The following SHANK2 variants were observed in gnomAD, a reference collection of about 807,000 sequenced individuals.
SHANK2 encodes the protein SH3 and multiple ankyrin repeat domains 2.
Under a neutral mutation model 133.7 loss-of-function variants are expected in SHANK2, and 43 were observed. The ratio of observed to expected loss-of-function variants is 0.32; its 90% CI spans 0.25 to 0.41. The LOEUF (loss-of-function observed/expected upper bound fraction) is 0.41. Ranked by LOEUF, SHANK2 falls within the 10% of genes least tolerant of loss-of-function variation. The probability of loss-of-function intolerance (pLI) is 1.00; values close to 1 mark genes in which losing one functional copy is unlikely to be tolerated. For synonymous variants in SHANK2, 1,017 were observed against 952.8 expected (o/e 1.07, Z -1.24); for missense variants, 1,994 against 2,235.8 (o/e 0.89, Z 2.18).
chr11:70,537,008 G>C (rs1010808377), intron 17 of SHANK2, among the ~76,000 whole-genome samples: 1 of 152,174 alleles, frequency 6.6e-6, no homozygotes, highest in Non-Finnish European at 1.5e-5. Context: ...GCTTTGTGTC[G>C]TACGTCAGCT....
At position 71,061,971 on chromosome 11, in the gene SHANK2, C is replaced by CTTTTTT. The variant is rs1216736346; in HGVS notation, c.1030-5419_1030-5414dup. Among the ~76,000 whole-genome samples, 159 of 109,554 alleles carry CTTTTTT rather than the reference C, an allele frequency of 1.5e-3. 1 individual carries two copies. Among genetic ancestry groups the CTTTTTT allele is most frequent in the Non-Finnish European group, 2.0e-3 (111 of 56,172 alleles). The allele number at this position is 109,554 out of a possible 152,430, so 71.9% of individuals were successfully genotyped here. On this transcript the variant is annotated intron_variant, in intron 9 of 25. Transcript: ENST00000601538. ...TTCCAACTCCAAAAAGTCTTTCTTT[C>CTTTTTT]TTTTTTTTTTTTTTTTTTTTTTCTT...
intron 14 of SHANK2, among the ~76,000 whole-genome samples, chr11:70,717,563 C>T (rs1344728199): frequency 6.6e-6 from 1 of 152,232 alleles, no homozygotes; most frequent in Non-Finnish European, 1.5e-5. Context: ...GCCACCCCGT[C>T]TCACCAAGCG....
chr11:70,620,600 A>C (rs781981208), intron 17 of SHANK2, among the ~76,000 whole-genome samples: 10 of 151,848 alleles, frequency 6.6e-5, no homozygotes, highest in Non-Finnish European at 1.5e-4. Context: ...CCCCAGACAA[A>C]ATGTGGAGTC....
chr11:71,192,365 G>C (rs1953810925), intron 2 of SHANK2, among the ~76,000 whole-genome samples: 1 of 152,190 alleles, frequency 6.6e-6, no homozygotes, highest in Non-Finnish European at 1.5e-5. Context: ...TGGTGACGGG[G>C]CTCCTTGAGG....
At chr11:70,875,449 C>T (rs868918824) in intron 11 of SHANK2, among the ~76,000 whole-genome samples, 40 of 152,074 alleles carry the variant, frequency 2.6e-4, no homozygotes, top group Admixed American at 1.6e-3. Context: ...GGCGTGAACC[C>T]GGGAGTGGAG....
intron 17 of SHANK2, among the ~76,000 whole-genome samples, chr11:70,612,225 G>C (rs1018280641): frequency 1.1e-4 from 16 of 152,184 alleles, no homozygotes; most frequent in Admixed American, 1.3e-4. Context: ...TCCTGCTGCT[G>C]AGTATGGGAA....
chr11:70,596,831 C>T (rs1045770283), intron 17 of SHANK2, among the ~76,000 whole-genome samples: 12 of 152,278 alleles, frequency 7.9e-5, no homozygotes, highest in South Asian at 2.1e-4. Context: ...CGAGGCTTCT[C>T]GGAGGAGGAG....
chr11:70,845,974 C>T (rs533327211), intron 11 of SHANK2, among the ~76,000 whole-genome samples: 1 of 152,144 alleles, frequency 6.6e-6, no homozygotes, highest in South Asian at 2.1e-4. Context: ...CCCCGTCTCC[C>T]GACACTGGAG....
intron 17 of SHANK2, among the ~76,000 whole-genome samples, chr11:70,647,749 A>T (rs746576898): frequency 2.2e-4 from 34 of 152,296 alleles, no homozygotes; most frequent in Non-Finnish European, 3.7e-4. Context: ...ACAAAAGGGG[A>T]CAGGACCCCC....
At chr11:71,202,955 C>A (rs1257575056) in intron 2 of SHANK2, among the ~76,000 whole-genome samples, 1 of 152,182 alleles carries the variant, frequency 6.6e-6, no homozygotes, top group African/African-American at 2.4e-5. Context: ...TGACTTTGAC[C>A]CTTTTTCTCT....
intron 4 of SHANK2, among the ~76,000 whole-genome samples, chr11:71,115,286 A>G (rs557177901): frequency 2.6e-5 from 4 of 152,120 alleles, no homozygotes; most frequent in East Asian, 3.9e-4. Context: ...CCTGGCCAAC[A>G]TGGTGAAACC....
chr11:71,239,090 C>T lies in SHANK2; in HGVS notation c.-113+13335G>A, dbSNP rs58694488. On this transcript the variant is annotated intron_variant, in intron 1 of 25. Transcript: ENST00000601538. ...GTCTTGAGCAAGGACTGGCTGTCAACAGATGACCGGGAGGGGCCGCCAGGC... is the reference window on the plus strand; with the variant it reads ...GTCTTGAGCAAGGACTGGCTGTCAATAGATGACCGGGAGGGGCCGCCAGGC... 9.0e-3 allele frequency among the ~76,000 whole-genome samples: 1,374 copies of T among 152,368 alleles called. 20 individuals are homozygous for T. The highest frequency in any genetic ancestry group is 0.031 in the African/African-American group (1,308 of 41,584).
At chr11:70,610,995 A>G (rs2060650036) in intron 17 of SHANK2, among the ~76,000 whole-genome samples, 1 of 152,230 alleles carries the variant, frequency 6.6e-6, no homozygotes, top group African/African-American at 2.4e-5. Flanking sequence ...AAAACCAGCA[A>G]ATGATGCACC....
At chr11:70,780,241 G>A (rs1422323355) in intron 14 of SHANK2, among the ~76,000 whole-genome samples, 1 of 152,120 alleles carries the variant, frequency 6.6e-6, no homozygotes, top group Non-Finnish European at 1.5e-5. Flanking sequence ...CTGGGGTTTT[G>A]TTGCCTCCAA....
intron 1 of SHANK2, among the ~76,000 whole-genome samples, chr11:71,233,306 G>A (rs192700745): frequency 1.3e-5 from 2 of 152,304 alleles, no homozygotes; most frequent in Admixed American, 6.5e-5. Flanking sequence ...ATAAAGGCCT[G>A]ACCCAGGCTA....
Position 70,472,727 on chromosome 11 carries a change from C to G in SHANK2, c.*142G>C. 2.4e-6 allele frequency: 2 copies of G among 846,282 alleles called. No homozygotes were observed. The highest frequency in any genetic ancestry group is 4.0e-6 in the Non-Finnish European group (2 of 503,296). 52.4% of individuals were successfully genotyped at this position (846,282 alleles called of 1,614,324 possible). A position where few individuals can be genotyped will look rare whatever the true frequency, so the allele number is the denominator to read the frequency against. ...AGACCCAGCCATGTTGTGGACACAA[C>G]TCAGTATTTCTTTGGGTACCAGGAG... On this transcript the variant is annotated 3_prime_UTR_variant, in exon 26 of 26. Transcript: ENST00000601538. This position sits in a 1 kb window ranked among gnomAD's most constrained non-coding sequence, Gnocchi z 4.4.
intron 14 of SHANK2, among the ~76,000 whole-genome samples, chr11:70,702,013 A>G (rs895093109): frequency 2.6e-5 from 4 of 151,492 alleles, no homozygotes; most frequent in Non-Finnish European, 5.9e-5. Flanking sequence ...CATCATCATC[A>G]GCATCACCAT....
At chr11:70,616,997 CTG>C (rs2060752583) in intron 17 of SHANK2, among the ~76,000 whole-genome samples, 1 of 151,774 alleles carries the variant, frequency 6.6e-6, no homozygotes, top group Non-Finnish European at 1.5e-5. Context: ...TTGTGTGTCA[CTG>C]TGTGTCACTG....
At chr11:70,895,788 T>A (rs1949924886) in intron 11 of SHANK2, among the ~76,000 whole-genome samples, 1 of 152,126 alleles carries the variant, frequency 6.6e-6, no homozygotes, top group African/African-American at 2.4e-5. Context: ...CCTACATCCA[T>A]TGCTTGATGC....
Sources: allele counts gnomAD v4.1 joint callset (sites outside exome capture counted in the v4.1 genomes callset), GRCh38; gene constraint gnomAD v4.1.1; non-coding constraint Gnocchi (gnomAD v3.1); transcripts MANE v1.5; gene names NCBI Gene and HGNC (gene_info 2026-07-23, HGNC 2026-07-21).